The following LGR6 variants were observed in gnomAD, a reference collection of about 807,000 sequenced individuals.
LGR6 encodes the protein leucine rich repeat containing G protein-coupled receptor 6.
A neutral mutation model predicts 69.4 loss-of-function variants in LGR6; 45 were observed. That is an observed-to-expected ratio of 0.65 (90% CI 0.51 to 0.83). LGR6 has a LOEUF of 0.83. Ranked by LOEUF, LGR6 falls within the 40% of genes least tolerant of loss-of-function variation. The pLI is 0.00. For missense variants in LGR6, 1,108 were observed against 1,246.7 expected (o/e 0.89, Z 1.68); for synonymous variants, 538 against 555.0 (o/e 0.97, Z 0.43).
At chr1:202,256,247 A>T (rs368803566) in intron 4 of LGR6, among the ~76,000 whole-genome samples, 15 of 151,788 alleles carry the variant, frequency 9.9e-5, no homozygotes, top group Admixed American at 5.9e-4. Context: ...TATTTTTTTT[A>T]ATTTTTTTAT....
chr1:202,270,161 C>T (rs1014836330), intron 4 of LGR6, among the ~76,000 whole-genome samples: 1 of 152,138 alleles, frequency 6.6e-6, no homozygotes. Flanking sequence ...GTGAGTCTCT[C>T]TGTCATTCCT....
chr1:202,297,954 T>C (rs1189057583), intron 7 of LGR6, among the ~76,000 whole-genome samples: 1 of 152,244 alleles, frequency 6.6e-6, no homozygotes, highest in African/African-American at 2.4e-5. Context: ...GGATCACTCC[T>C]CAGCACCTTG....
intron 1 of LGR6, among the ~76,000 whole-genome samples, chr1:202,211,724 T>TTG: frequency 1.3e-5 from 2 of 152,252 alleles, no homozygotes; most frequent in Non-Finnish European, 2.9e-5. Context: ...ATCATAAGTG[T>TTG]ATAGCTTGGT....
At chr1:202,258,235 G>A (rs1449252706) in intron 4 of LGR6, among the ~76,000 whole-genome samples, 2 of 151,856 alleles carry the variant, frequency 1.3e-5, no homozygotes. Context: ...AGTTTCTAAT[G>A]TTTAATAGGA....
intron 13 of LGR6, 142 bp downstream of exon 13, chr1:202,307,081 G>A: frequency 3.9e-6 from 3 of 762,614 alleles, no homozygotes; most frequent in Non-Finnish European, 4.4e-6. Flanking sequence ...CCCACCCCCA[G>A]CACACACACA....
chr1:202,194,355 G>A (rs1658551921), intron 1 of LGR6, among the ~76,000 whole-genome samples, 154 bp downstream of exon 1: 1 of 152,194 alleles, frequency 6.6e-6, no homozygotes, highest in South Asian at 2.1e-4. Context: ...GCGGGACTGG[G>A]GAGGGGAGAA....
intron 6 of LGR6, among the ~76,000 whole-genome samples, chr1:202,295,557 T>C (rs114479131): frequency 6.6e-6 from 1 of 152,206 alleles, no homozygotes; most frequent in Non-Finnish European, 1.5e-5. Flanking sequence ...TCTCCCAGTC[T>C]GGTTTTCTAG....
chr1:202,306,985 C>G, intron 13 of LGR6, 46 bp downstream of exon 13: 1 of 1,507,242 alleles, frequency 6.6e-7, no homozygotes, highest in Non-Finnish European at 9.2e-7. Flanking sequence ...GCCACCGTGT[C>G]CCTCTGCTAG....
intron 4 of LGR6, among the ~76,000 whole-genome samples, chr1:202,245,665 G>A (rs77766907): frequency 5.2e-4 from 79 of 152,250 alleles, no homozygotes; most frequent in African/African-American, 1.8e-3. Flanking sequence ...AGAGTACCCC[G>A]GGTGTTGCGA....
chr1:202,201,672 C>G (rs1003301370), intron 1 of LGR6, among the ~76,000 whole-genome samples: 13 of 152,228 alleles, frequency 8.5e-5, no homozygotes, highest in African/African-American at 3.1e-4. Flanking sequence ...GTCAAAATCT[C>G]AGGCCAAGCA....
chr1:202,198,779 G>A (rs1658735383), intron 1 of LGR6, among the ~76,000 whole-genome samples: 1 of 151,734 alleles, frequency 6.6e-6, no homozygotes, highest in Non-Finnish European at 1.5e-5. Context: ...GGTCTAGACG[G>A]GCCCCTGCAG....
intron 3 of LGR6, among the ~76,000 whole-genome samples, chr1:202,235,235 G>A (rs1661440028): frequency 6.6e-6 from 1 of 152,194 alleles, no homozygotes; most frequent in Non-Finnish European, 1.5e-5. Context: ...GGTGCCCTGA[G>A]GAGCTCCAGG....
At chr1:202,266,900 G>A (rs902828448) in intron 4 of LGR6, among the ~76,000 whole-genome samples, 1 of 150,952 alleles carries the variant, frequency 6.6e-6, no homozygotes, top group Non-Finnish European at 1.5e-5. Context: ...TCTCTCTAAC[G>A]CGCGCACACA....
intron 1 of LGR6, among the ~76,000 whole-genome samples, chr1:202,215,597 C>T (rs1659722428): frequency 6.6e-6 from 1 of 152,146 alleles, no homozygotes; most frequent in South Asian, 2.1e-4. Context: ...TGGCCAAGTC[C>T]TCTAATGCAC....
intron 1 of LGR6, among the ~76,000 whole-genome samples, chr1:202,219,126 G>C (rs1022567571): frequency 6.6e-6 from 1 of 152,188 alleles, no homozygotes; most frequent in African/African-American, 2.4e-5. Flanking sequence ...TGCTTCTCTT[G>C]TTGACAGAAA....
chr1:202,278,164 G>C (rs1665731127), intron 5 of LGR6, among the ~76,000 whole-genome samples: 1 of 152,182 alleles, frequency 6.6e-6, no homozygotes, highest in African/African-American at 2.4e-5. Flanking sequence ...GGCTGGATTG[G>C]AACCGAGGCA....
intron 11 of LGR6, 71 bp from the exon 12 acceptor site, chr1:202,305,613 G>GC (rs931069473): frequency 1.2e-5 from 16 of 1,333,734 alleles, no homozygotes; most frequent in African/African-American, 1.2e-4. Flanking sequence ...CCTGGCTAGA[G>GC]CCCCCCGTCC....
chr1:202,212,057 G>C (rs61685000), intron 1 of LGR6, among the ~76,000 whole-genome samples: 53,007 of 152,044 alleles, frequency 0.35, 9,607 homozygotes, highest in Non-Finnish European at 0.4. Flanking sequence ...CCCAGTTTAC[G>C]CATTCCACTG....
At chr1:202,242,459 TGA>T (rs953945254) in intron 4 of LGR6, among the ~76,000 whole-genome samples, 5 of 152,156 alleles carry the variant, frequency 3.3e-5, no homozygotes, top group African/African-American at 1.2e-4. Context: ...GTCTCTAAAA[TGA>T]GAGAGTCCAG....
Sources: gnomAD v4.1 joint callset for allele counts (sites outside exome capture counted in the v4.1 genomes callset) on GRCh38, gnomAD v4.1.1 for gene constraint, MANE v1.5 for transcripts, NCBI Gene and HGNC (gene_info 2026-07-23, HGNC 2026-07-21) for gene names.